Variants in RIC3 observed in about 807,000 individuals in gnomAD.
The protein encoded by RIC3 is protein RIC-3.
Under a neutral mutation model 27.3 loss-of-function variants are expected in RIC3, and 28 were observed. The ratio of observed to expected loss-of-function variants is 1.02; its 90% CI spans 0.76 to 1.41. The LOEUF (loss-of-function observed/expected upper bound fraction) is 1.41. Ranked by LOEUF, RIC3 falls within the 40% of genes most tolerant of loss-of-function variation. The pLI is 0.00. For missense variants in RIC3, 501 were observed against 444.7 expected, an observed-to-expected ratio of 1.13 and a Z score of -1.14; for synonymous variants, 184 against 160.4, an observed-to-expected ratio of 1.15 and a Z score of -1.11.
chr11:8,094,069 A>C, the RIC3 span: 1 of 1,614,180 alleles, frequency 6.2e-7, no homozygotes, highest in South Asian at 1.1e-5. Flanking sequence ...CTCACTCGCC[A>C]GTGTGCAGCT....
the RIC3 span, among the ~76,000 whole-genome samples, chr11:8,099,692 A>G: frequency 7.2e-5 from 11 of 152,208 alleles, no homozygotes; most frequent in African/African-American, 2.4e-4. Flanking sequence ...TATAAACACT[A>G]AGAAGAAAAA....
At chr11:8,136,090 G>C (rs1283341470) in intron 4 of RIC3, among the ~76,000 whole-genome samples, 3 of 152,104 alleles carry the variant, frequency 2.0e-5, no homozygotes, top group Non-Finnish European at 4.4e-5. Context: ...GAAGGTCAAG[G>C]CTCCTGGGCC....
chr11:8,133,901 T>A (rs1212838568), intron 4 of RIC3, among the ~76,000 whole-genome samples: 2 of 152,094 alleles, frequency 1.3e-5, no homozygotes, highest in Admixed American at 1.3e-4. Context: ...AATATCTTCA[T>A]GTTGTCTCTT....
At position 8,126,738 on chromosome 11, in the gene RIC3, G is replaced by A. The variant is rs1369169524; in HGVS notation, c.591C>T (p.Val197=). 1.2e-6 allele frequency: 2 copies of A among 1,613,906 alleles called. No individual in the cohort carries two copies. Among genetic ancestry groups the A allele is most frequent in the African/African-American group, 2.7e-5 (2 of 74,882 alleles). The change falls in exon 5 of 6, where the codon GTC becomes GTT. Residue 197 remains valine (V), a synonymous_variant. Coordinates refer to ENST00000309737, the MANE Select transcript of RIC3 (RefSeq NM_001206671.4). ...TGTCAATGAATTTTCCTTCTTTCAT[G>A]ACCCTGGTGATTTCTCGGAGCTGAT... ...LLHQLREITR[V]MKEGKFIDRF...
chr11:8,146,769 G>T (rs1425971496), intron 1 of RIC3, among the ~76,000 whole-genome samples: 1 of 152,134 alleles, frequency 6.6e-6, no homozygotes, highest in Non-Finnish European at 1.5e-5. Context: ...CCTACAGGTA[G>T]ATTTTAAAAT....
intron 1 of RIC3, among the ~76,000 whole-genome samples, chr11:8,158,905 G>C (rs1950926334): frequency 6.7e-6 from 1 of 148,284 alleles, no homozygotes; most frequent in Non-Finnish European, 1.5e-5. Context: ...GAGAATTTTT[G>C]TATTTTTAGT....
chr11:8,136,720 G>A (rs964767674), intron 4 of RIC3, among the ~76,000 whole-genome samples: 5 of 152,174 alleles, frequency 3.3e-5, no homozygotes, highest in Admixed American at 3.3e-4. Flanking sequence ...TTTGTCTCAA[G>A]TAGAAAGCAT....
the RIC3 span, among the ~76,000 whole-genome samples, chr11:8,099,952 A>T: frequency 2.6e-5 from 4 of 152,236 alleles, no homozygotes. Flanking sequence ...TCACATCTCC[A>T]GCTTTAACTT....
intron 1 of RIC3, among the ~76,000 whole-genome samples, chr11:8,152,328 A>G (rs891150434): frequency 1.2e-4 from 19 of 152,228 alleles, no homozygotes; most frequent in Non-Finnish European, 2.9e-5. Context: ...AATGTCCATC[A>G]ACTTATGAAT....
chr11:8,139,005 C>G (rs967390966), intron 2 of RIC3: 16 of 152,848 alleles, frequency 1.0e-4, no homozygotes, highest in African/African-American at 2.9e-4. Flanking sequence ...GGTGTACTCT[C>G]ACGGCAAAAC....
intron 5 of RIC3, among the ~76,000 whole-genome samples, chr11:8,120,549 G>C (rs1044566583): frequency 6.6e-6 from 1 of 152,136 alleles, no homozygotes; most frequent in African/African-American, 2.4e-5. Context: ...CTAGGAGAGG[G>C]ATAGCATTAG....
intron 4 of RIC3, among the ~76,000 whole-genome samples, chr11:8,131,992 T>C (rs377716312): frequency 1.5e-5 from 2 of 134,596 alleles, no homozygotes; most frequent in Non-Finnish European, 3.1e-5. Context: ...GTGAACAAAA[T>C]AGGCTAAGTC....
the RIC3 span, chr11:8,093,926 GC>G: frequency 8.7e-7 from 1 of 1,151,836 alleles, no homozygotes. Context: ...TGGTACAGGG[GC>G]CCTGGTGGGA....
intron 4 of RIC3, among the ~76,000 whole-genome samples, chr11:8,133,931 G>C (rs80023079): frequency 0.048 from 7,242 of 151,632 alleles, 265 homozygotes; most frequent in African/African-American, 0.1. Flanking sequence ...TCCAGGAGTT[G>C]GGTCTCCCAA....
the RIC3 span, chr11:8,094,169 AGAAGAAGG>A: frequency 6.2e-7 from 1 of 1,613,340 alleles, no homozygotes; most frequent in Non-Finnish European, 8.5e-7. Flanking sequence ...GCTAGGAAGG[AGAAGAAGG>A]GAAAGCACAA....
In RIC3 at chr11:8,137,046, T is replaced by C. The variant is rs146645638; in HGVS notation, c.521+332A>G. On this transcript the variant is annotated intron_variant, in intron 4 of 5. Transcript: ENST00000309737. ...TTTCTTTCCTTTTCTTTTTTTGAGA[T>C]AGAATTTCGCTCTCATTGCCCAGGC... is the stretch of plus-strand genomic sequence containing the variant. 2.3e-3 allele frequency among the ~76,000 whole-genome samples: 346 copies of C among 152,332 alleles called. 2 individuals carry two copies. The highest frequency in any genetic ancestry group is 8.0e-3 in the African/African-American group (333 of 41,568).
intron 1 of RIC3, among the ~76,000 whole-genome samples, chr11:8,144,584 A>G (rs1254466195): frequency 6.6e-6 from 1 of 151,598 alleles, no homozygotes; most frequent in Admixed American, 6.6e-5. Flanking sequence ...TGTTGGTGGG[A>G]CTGTAAACTA....
chr11:8,147,334 C>T (rs574400231), intron 1 of RIC3, among the ~76,000 whole-genome samples: 3 of 152,182 alleles, frequency 2.0e-5, no homozygotes, highest in South Asian at 2.1e-4. Context: ...ATGTCCTGAA[C>T]CTTGGCAAAA....
At chr11:8,112,184 AAAAG>A (rs1002182021) in intron 5 of RIC3, among the ~76,000 whole-genome samples, 6 of 152,260 alleles carry the variant, frequency 3.9e-5, no homozygotes, top group African/African-American at 1.4e-4. Flanking sequence ...GCTAGTTTAA[AAAAG>A]AAAACACAAA....
Sources: allele counts gnomAD v4.1 joint callset (sites outside exome capture counted in the v4.1 genomes callset), GRCh38; gene constraint gnomAD v4.1.1; transcripts MANE v1.5; gene names NCBI Gene and HGNC (gene_info 2026-07-23, HGNC 2026-07-21).